Variants in G2E3 observed in about 807,000 individuals in gnomAD.
G2E3 encodes G2/M-phase specific E3 ubiquitin protein ligase.
G2E3 carries 35 observed loss-of-function variants against 92.8 expected under a neutral mutation model. The observed-to-expected ratio is 0.38, with a 90% confidence interval of 0.29 to 0.50. The LOEUF is 0.50. Ranked by LOEUF, G2E3 falls within the 20% of genes least tolerant of loss-of-function variation. The pLI, the probability that G2E3 is intolerant of heterozygous loss-of-function variation, is 0.94. For synonymous variants in G2E3, 242 were observed against 272.4 expected, an observed-to-expected ratio of 0.89 and a Z score of 1.10; for missense variants, 554 against 823.8, an observed-to-expected ratio of 0.67 and a Z score of 4.01.
chr14:30,584,239 C>G (rs1021481085), intron 2 of G2E3, among the ~76,000 whole-genome samples: 17 of 152,224 alleles, frequency 1.1e-4, no homozygotes, highest in Non-Finnish European at 2.2e-4. Flanking sequence ...AATATTCCAT[C>G]ATATGGGCAT....
chr14:30,594,053 G>GCT (rs1387383798), intron 6 of G2E3, among the ~76,000 whole-genome samples: 2 of 152,096 alleles, frequency 1.3e-5, no homozygotes, highest in Non-Finnish European at 2.9e-5. Flanking sequence ...CTTCCCAATG[G>GCT]TAAGCACTTT....
At chr14:30,577,997 AT>A (rs894341975) in intron 1 of G2E3, among the ~76,000 whole-genome samples, 9 of 151,590 alleles carry the variant, frequency 5.9e-5, no homozygotes, top group South Asian at 4.2e-4. Flanking sequence ...CTTAGATATT[AT>A]TTTTTTTTAA....
chr14:30,598,399 A>T, intron 7 of G2E3, 84 bp from the exon 8 acceptor site: 1 of 941,994 alleles, frequency 1.1e-6, no homozygotes, highest in Non-Finnish European at 1.7e-6. Flanking sequence ...GAACAAAAAA[A>T]GGTTTTTATT....
At chr14:30,614,399 G>A (rs138080760) in intron 13 of G2E3, among the ~76,000 whole-genome samples, 2 of 152,324 alleles carry the variant, frequency 1.3e-5, no homozygotes, top group African/African-American at 4.8e-5. Flanking sequence ...GTCTTGCTGT[G>A]TCATAGCATT....
At position 30,602,033 on chromosome 14, in the gene G2E3, C is replaced by G; in HGVS notation, c.912C>G (p.Pro304=). 1 of 1,611,424 alleles carries G rather than the reference C, an allele frequency of 6.2e-7. No homozygotes were observed. Residue 304 remains proline (P), a synonymous_variant, in exon 10 of 15, where the codon CCC becomes CCG. Transcript: ENST00000206595. ...EFQKAKKHVL[P]NSNNVGITDC... is the part of the protein sequence containing the mutation. ...AAAAAGCCAAAAAACATGTATTACC[C>G]AATTCTAATAATGTGGGGATTACAG...
intron 1 of G2E3, among the ~76,000 whole-genome samples, chr14:30,579,822 G>A (rs796654043): frequency 6.6e-6 from 1 of 152,008 alleles, no homozygotes; most frequent in Non-Finnish European, 1.5e-5. Flanking sequence ...TTTACCTAGT[G>A]GCATTATTAT....
chr14:30,606,832 ATACATT>A (rs1315762830), intron 11 of G2E3, among the ~76,000 whole-genome samples: 1 of 152,272 alleles, frequency 6.6e-6, no homozygotes, highest in East Asian at 1.9e-4. Context: ...AAAGTTGCTA[ATACATT>A]TGAAATGACA....
chr14:30,613,894 C>T (rs1882201036), intron 13 of G2E3, among the ~76,000 whole-genome samples: 1 of 152,002 alleles, frequency 6.6e-6, no homozygotes, highest in Admixed American at 6.6e-5. Flanking sequence ...CATTTCATAA[C>T]CAATAGTCTC....
chr14:30,560,652 T>C lies in G2E3; in HGVS notation c.-5+1380T>C, dbSNP rs142022341. 30 of 611,418 alleles carry C rather than the reference T, an allele frequency of 4.9e-5. No individual in the cohort carries two copies. The East Asian group carries it at 8.0e-4, about 16-fold the overall frequency. 37.9% of individuals were successfully genotyped at this position (611,418 alleles called of 1,614,324 possible). Reference sequence around the variant, plus strand: ...ATTGATCGCTATATCCTAATCTCTTTATTTTTTTCTACCTGAATTATTTTC... The same window carrying C: ...ATTGATCGCTATATCCTAATCTCTTCATTTTTTTCTACCTGAATTATTTTC... On this transcript the variant is annotated intron_variant, in intron 1 of 14. Transcript: ENST00000206595.
Position 30,600,714 on chromosome 14 carries a change from A to G in G2E3, c.753-1056A>G, listed in dbSNP as rs539601860. On this transcript the variant is annotated intron_variant, in intron 8 of 14. Transcript: ENST00000206595. ...CTCACGCCCTCTCATCCTAGTGAGAAGAAGGCAGTTTTAGTGAAAGGCAGC... is the reference window on the plus strand; with the variant it reads ...CTCACGCCCTCTCATCCTAGTGAGAGGAAGGCAGTTTTAGTGAAAGGCAGC... 2.0e-5 allele frequency among the ~76,000 whole-genome samples: 3 copies of G among 152,304 alleles called. 1 individual carries two copies. The South Asian group carries it at 6.2e-4, about 32-fold the overall frequency.
chr14:30,565,843 T>C (rs1879399072), intron 1 of G2E3, among the ~76,000 whole-genome samples: 1 of 151,812 alleles, frequency 6.6e-6, no homozygotes. Context: ...TTTGTATTTT[T>C]AGTAGAGACT....
At chr14:30,564,917 T>C (rs1303924351) in intron 1 of G2E3, among the ~76,000 whole-genome samples, 1 of 152,228 alleles carries the variant, frequency 6.6e-6, no homozygotes, top group African/African-American at 2.4e-5. Flanking sequence ...TGATCTCTTT[T>C]GTGAATAGTG....
intron 8 of G2E3, among the ~76,000 whole-genome samples, chr14:30,600,775 A>G (rs1881530950): frequency 6.6e-6 from 1 of 152,218 alleles, no homozygotes; most frequent in Non-Finnish European, 1.5e-5. Flanking sequence ...GAAGCTAGAT[A>G]AACTGAAATG....
In G2E3 at chr14:30,619,730, TTA is replaced by T. The variant is rs921751154; in HGVS notation, c.*3200_*3201del. 2 of 141,392 alleles carry T rather than the reference TTA, an allele frequency of 1.4e-5. No homozygotes were observed. Among genetic ancestry groups the T allele is most frequent in the African/African-American group, 4.9e-5 (2 of 40,518 alleles). 8.8% of individuals were successfully genotyped at this position (141,392 alleles called of 1,614,324 possible). ...GCCAGGTATTATGCTAGGTGATCGT[TTA>T]TATGTCAGCCTATTTCCCCCCCTTT... On this transcript the variant is annotated 3_prime_UTR_variant, in exon 15 of 15. Coordinates refer to ENST00000206595, the MANE Select transcript of G2E3 (RefSeq NM_017769.5).
chr14:30,605,405 T>C, intron 10 of G2E3, 100 bp from the exon 11 acceptor site: 1 of 498,410 alleles, frequency 2.0e-6, no homozygotes, highest in Non-Finnish European at 3.6e-6. Context: ...ATCCTATTAA[T>C]CTTTTTTTCC....
At chr14:30,607,498 A>G (rs1381829304) in intron 11 of G2E3, among the ~76,000 whole-genome samples, 2 of 152,102 alleles carry the variant, frequency 1.3e-5, no homozygotes, top group Non-Finnish European at 2.9e-5. Context: ...TACAAAAGGT[A>G]ATGCATTGTG....
chr14:30,604,378 C>T (rs1001925807), intron 10 of G2E3, among the ~76,000 whole-genome samples: 2 of 152,200 alleles, frequency 1.3e-5, no homozygotes, highest in African/African-American at 4.8e-5. Flanking sequence ...GAAAATGATC[C>T]ATGGGCATTG....
intron 1 of G2E3, among the ~76,000 whole-genome samples, chr14:30,563,544 T>C (rs1336021519): frequency 6.6e-6 from 1 of 151,878 alleles, no homozygotes; most frequent in Non-Finnish European, 1.5e-5. Context: ...TCTTATGTGT[T>C]GCTATGACAG....
intron 2 of G2E3, among the ~76,000 whole-genome samples, chr14:30,581,535 C>G (rs1242001190): frequency 6.6e-6 from 1 of 152,110 alleles, no homozygotes; most frequent in African/African-American, 2.4e-5. Context: ...GACAAAACCT[C>G]ATCTCTGCTA....
Sources: gnomAD v4.1 joint callset for allele counts (sites outside exome capture counted in the v4.1 genomes callset) on GRCh38, gnomAD v4.1.1 for gene constraint, MANE v1.5 for transcripts, NCBI Gene and HGNC (gene_info 2026-07-23, HGNC 2026-07-21) for gene names.